CA12: variants seen among roughly 807,000 people sequenced by gnomAD.
CA12 encodes carbonate dehydratase XII.
Under a neutral mutation model 46.8 loss-of-function variants are expected in CA12, and 36 were observed. The observed-to-expected ratio is 0.77, with a 90% CI of 0.59 to 1.02. CA12 has a LOEUF of 1.02. CA12 is among the 50% of genes least tolerant of loss of function. The pLI, the probability that CA12 is intolerant of heterozygous loss-of-function variation, is 0.00. For synonymous variants in CA12, 202 were observed against 187.0 expected, an observed-to-expected ratio of 1.08 and a Z score of -0.65; for missense variants, 436 against 451.4, an observed-to-expected ratio of 0.97 and a Z score of 0.31.
rs2039048893 is a variant in CA12, at chr15:63,339,588, G to A, written c.748-643C>T. 6.6e-6 allele frequency among the ~76,000 whole-genome samples: 1 copy of A among 152,204 alleles called. No individual in the cohort carries two copies. The highest frequency in any genetic ancestry group is 2.4e-5 in the African/African-American group (1 of 41,436). On this transcript the variant is annotated intron_variant, in intron 7 of 10. Transcript: ENST00000178638. This position sits in a 1 kb window ranked among gnomAD's most constrained non-coding sequence, Gnocchi z 4.3. ...CAGAGCAGAAGCTTACTGTAAAGAGGAGCAGCTGTGAGGCTGCCCTGGACG... is the reference window on the plus strand; with the variant it reads ...CAGAGCAGAAGCTTACTGTAAAGAGAAGCAGCTGTGAGGCTGCCCTGGACG...
intron 2 of CA12, among the ~76,000 whole-genome samples, chr15:63,347,057 A>G (rs1204102004): frequency 1.3e-5 from 2 of 152,226 alleles, no homozygotes; most frequent in Admixed American, 1.3e-4. Flanking sequence ...ATTATGAGCC[A>G]GGAATTACTC....
At chr15:63,351,286 T>C (rs937059772) in intron 2 of CA12, among the ~76,000 whole-genome samples, 6 of 152,206 alleles carry the variant, frequency 3.9e-5, no homozygotes. Flanking sequence ...GCCCTCGCCA[T>C]GTCACACTGC....
rs2039057410 is a variant in CA12 at position 63,340,121 on chromosome 15, T to C, written c.747+167A>G. Reference sequence around the variant, plus strand: ...TGCCTAGCTTGACTTCTTTTGAAGCTCAGCCTGGAATTTCTGCGGTGCTTT... The same window carrying C: ...TGCCTAGCTTGACTTCTTTTGAAGCCCAGCCTGGAATTTCTGCGGTGCTTT... On this transcript the variant is annotated intron_variant, in intron 7 of 10. Transcript: ENST00000178638. The surrounding 1 kb of genome is among the most constrained non-coding windows in gnomAD (Gnocchi z 4.4). 1.2e-6 allele frequency: 1 copy of C among 804,018 alleles called. No individual in the cohort carries two copies. Among genetic ancestry groups the C allele is most frequent in the Admixed American group, 2.1e-5 (1 of 47,802 alleles). The allele number at this position is 804,018 out of a possible 1,614,324, so 49.8% of individuals were successfully genotyped here.
chr15:63,342,207 C>A, intron 4 of CA12, 110 bp from the exon 5 acceptor site: 1 of 732,336 alleles, frequency 1.4e-6, no homozygotes, highest in South Asian at 1.5e-5. Flanking sequence ...GCCCCCTCAG[C>A]CCCCCAGACT....
At position 63,330,383 on chromosome 15, in the gene CA12, GT is replaced by G. The variant is rs2038922121; in HGVS notation, c.875-2254del. Among the ~76,000 whole-genome samples the G allele has an allele frequency of 5.9e-5, 9 of 152,330 alleles. No homozygotes were observed. The South Asian group carries it at 1.9e-3, about 32-fold the overall frequency. On this transcript the variant is annotated intron_variant, in intron 8 of 10. Coordinates refer to ENST00000178638, the MANE Select transcript of CA12 (RefSeq NM_001218.5). This position sits in a 1 kb window ranked among gnomAD's most constrained non-coding sequence, Gnocchi z 4.0. Reference sequence around the variant, plus strand: ...AACAAACATAATAAACCTAGCCATGGTTTTTCTTCCCAACCCTTTGATGAAA... The same window carrying G: ...AACAAACATAATAAACCTAGCCATGGTTTTCTTCCCAACCCTTTGATGAAA...
rs1242439932 is a variant in CA12 at position 63,324,709 on chromosome 15, G to A, written c.*1576C>T. 1 of 66,932 alleles carries A rather than the reference G, an allele frequency of 1.5e-5. No homozygotes were observed. The highest frequency in any genetic ancestry group is 3.8e-5 in the Non-Finnish European group (1 of 26,548). 4.1% of individuals were successfully genotyped at this position (66,932 alleles called of 1,614,324 possible). On this transcript the variant is annotated 3_prime_UTR_variant, in exon 11 of 11. Coordinates refer to ENST00000178638, the MANE Select transcript of CA12 (RefSeq NM_001218.5). Reference sequence around the variant, plus strand: ...ATAATTTTTTTTTTTTTTTTTTTGAGATGGAGTCTCGCTCTGTCACCCAGG... The same window carrying A: ...ATAATTTTTTTTTTTTTTTTTTTGAAATGGAGTCTCGCTCTGTCACCCAGG...
chr15:63,360,024 A>G (rs2039341820), intron 2 of CA12, among the ~76,000 whole-genome samples: 1 of 152,176 alleles, frequency 6.6e-6, no homozygotes, highest in Non-Finnish European at 1.5e-5. Context: ...TTCCCCACTC[A>G]TCACCTGTCC....
chr15:63,360,442 G>A (rs995298945), intron 2 of CA12, among the ~76,000 whole-genome samples: 24 of 152,138 alleles, frequency 1.6e-4, no homozygotes, highest in Non-Finnish European at 2.9e-4. Flanking sequence ...TTACATAAAC[G>A]TCCTTTAAAA....
chr15:63,322,838 C>T lies in CA12; in HGVS notation c.*3447G>A, dbSNP rs1288893455. The T allele has an allele frequency of 6.6e-6, 1 of 152,256 alleles. No homozygotes were observed. Among genetic ancestry groups the T allele is most frequent in the Non-Finnish European group, 1.5e-5 (1 of 68,064 alleles). 9.4% of individuals were successfully genotyped at this position (152,256 alleles called of 1,614,324 possible). ...AGAGTACAGACCATCAGAAATGTTT[C>T]AATTCCAAAGCTGGGCCAGGTACTG... On this transcript the variant is annotated 3_prime_UTR_variant, in exon 11 of 11. Transcript: ENST00000178638. This position sits in a 1 kb window ranked among gnomAD's most constrained non-coding sequence, Gnocchi z 4.1.
In CA12 at chr15:63,328,363, A is replaced by T. The variant is rs1177582357; in HGVS notation, c.875-233T>A. Among the ~76,000 whole-genome samples the T allele has an allele frequency of 6.8e-6, 1 of 147,196 alleles. No individual in the cohort carries two copies. Among genetic ancestry groups the T allele is most frequent in the Non-Finnish European group, 1.5e-5 (1 of 67,056 alleles). On this transcript the variant is annotated intron_variant, in intron 8 of 10. Coordinates refer to ENST00000178638, the MANE Select transcript of CA12 (RefSeq NM_001218.5). This position sits in a 1 kb window ranked among gnomAD's most constrained non-coding sequence, Gnocchi z 5.9. Reference sequence around the variant, plus strand: ...CTTTTTTTTTTTTTTTTGAGATGGAATCTCGCTCTGCCGCCCAGGCTGGAA... The same window carrying T: ...CTTTTTTTTTTTTTTTTGAGATGGATTCTCGCTCTGCCGCCCAGGCTGGAA...
chr15:63,347,337 C>T (rs12591040), intron 2 of CA12, among the ~76,000 whole-genome samples: 1 of 152,130 alleles, frequency 6.6e-6, no homozygotes, highest in Non-Finnish European at 1.5e-5. Flanking sequence ...TGAAGAGAAA[C>T]CCCTGAGGAC....
intron 2 of CA12, among the ~76,000 whole-genome samples, chr15:63,368,917 G>T (rs889537349): frequency 1.3e-5 from 2 of 151,842 alleles, no homozygotes; most frequent in African/African-American, 4.8e-5. Flanking sequence ...CCCAAACTAG[G>T]CTCAGCCCCC....
intron 2 of CA12, chr15:63,375,380 G>A (rs1164237972): frequency 2.7e-6 from 1 of 364,012 alleles, no homozygotes; most frequent in African/African-American, 2.1e-5. Context: ...CCAAATCTTG[G>A]AGGTTTGGTA....
chr15:63,377,199 A>G (rs964672190), intron 1 of CA12, among the ~76,000 whole-genome samples: 1 of 152,152 alleles, frequency 6.6e-6, no homozygotes, highest in African/African-American at 2.4e-5. Flanking sequence ...TGAGTAGAGA[A>G]GCATCCCACT....
At chr15:63,352,202 C>T (rs147053308) in intron 2 of CA12, among the ~76,000 whole-genome samples, 2 of 152,270 alleles carry the variant, frequency 1.3e-5, no homozygotes, top group East Asian at 1.9e-4. Context: ...ATTACAGGTG[C>T]GTGCCTCCAC....
chr15:63,375,540 A>T (rs2039559117), intron 2 of CA12, 118 bp downstream of exon 2: 1 of 703,078 alleles, frequency 1.4e-6, no homozygotes, highest in African/African-American at 1.8e-5. Context: ...CAATACAAGA[A>T]CTGTGCTTCC....
At chr15:63,368,030 A>G (rs1010123857) in intron 2 of CA12, among the ~76,000 whole-genome samples, 5 of 152,128 alleles carry the variant, frequency 3.3e-5, no homozygotes, top group African/African-American at 1.2e-4. Context: ...AATGGCCGTT[A>G]TTTTTATACC....
In CA12 at chr15:63,341,178, G is replaced by GA. The variant is rs530147601; in HGVS notation, c.526-396dup. On this transcript the variant is annotated intron_variant, in intron 5 of 10. Coordinates refer to ENST00000178638, the MANE Select transcript of CA12 (RefSeq NM_001218.5). This position sits in a 1 kb window ranked among gnomAD's most constrained non-coding sequence, Gnocchi z 5.2. ...AATGAGGTACATACAGCCTCATTAG[G>GA]AAAAAAAAACATGCAAGCCAATCAG... Among the ~76,000 whole-genome samples the GA allele has an allele frequency of 1.3e-4, 20 of 150,750 alleles. No individual in the cohort carries two copies. The South Asian group carries it at 1.7e-3, about 13-fold the overall frequency.
chr15:63,363,066 G>T (rs545154533), intron 2 of CA12, among the ~76,000 whole-genome samples: 2 of 152,328 alleles, frequency 1.3e-5, no homozygotes, highest in Admixed American at 6.5e-5. Context: ...CTGCGTAAGA[G>T]CCATGTCTAG....
Sources: gnomAD v4.1 joint callset for allele counts (sites outside exome capture counted in the v4.1 genomes callset) on GRCh38, gnomAD v4.1.1 for gene constraint, Gnocchi (gnomAD v3.1) non-coding constraint, MANE v1.5 for transcripts, NCBI Gene and HGNC (gene_info 2026-07-23, HGNC 2026-07-21) for gene names.